ADGRL3: variants seen among roughly 807,000 people sequenced by gnomAD.
ADGRL3 encodes adhesion G protein-coupled receptor L3.
Under a neutral mutation model 153.5 loss-of-function variants are expected in ADGRL3, and 62 were observed. The observed-to-expected ratio is 0.40, with a 90% CI of 0.33 to 0.50. The LOEUF (loss-of-function observed/expected upper bound fraction) is 0.50, where lower values mean the gene tolerates loss of function less well. Ranked by LOEUF, ADGRL3 falls within the 20% of genes least tolerant of loss-of-function variation. ADGRL3 has a pLI of 0.47. For synonymous variants in ADGRL3, 710 were observed against 672.5 expected, an observed-to-expected ratio of 1.06 and a Z score of -0.86; for missense variants, 1,641 against 1,859.4, an observed-to-expected ratio of 0.88 and a Z score of 2.16.
At chr4:61,338,779 A>G (rs1396575803) in intron 1 of ADGRL3, among the ~76,000 whole-genome samples, 1 of 152,230 alleles carries the variant, frequency 6.6e-6, no homozygotes, top group East Asian at 1.9e-4. Flanking sequence ...TTCAAAAACT[A>G]TTGAATAAAT....
At chr4:61,530,586 G>T (rs1182098326) in intron 4 of ADGRL3, among the ~76,000 whole-genome samples, 2 of 152,046 alleles carry the variant, frequency 1.3e-5, no homozygotes, top group South Asian at 4.1e-4. Flanking sequence ...TTCTGAGGGG[G>T]TGGGATAATA....
intron 4 of ADGRL3, among the ~76,000 whole-genome samples, chr4:61,576,312 C>A (rs759979210): frequency 6.6e-6 from 1 of 151,796 alleles, no homozygotes; most frequent in East Asian, 1.9e-4. Flanking sequence ...CGATGTGGGG[C>A]TTTTCCTTGG....
chr4:61,671,121 T>G (rs1198139035), intron 5 of ADGRL3, among the ~76,000 whole-genome samples: 1 of 152,142 alleles, frequency 6.6e-6, no homozygotes, highest in East Asian at 1.9e-4. Flanking sequence ...TCAATTTTAC[T>G]GAAATTAGCA....
intron 1 of ADGRL3, among the ~76,000 whole-genome samples, chr4:61,324,757 A>T (rs2095432112): frequency 6.6e-6 from 1 of 152,170 alleles, no homozygotes; most frequent in South Asian, 2.1e-4. Context: ...TTTAGATTTA[A>T]GATTTTTAAC....
chr4:61,706,188 A>G (rs1330143500), intron 6 of ADGRL3, among the ~76,000 whole-genome samples: 1 of 151,966 alleles, frequency 6.6e-6, no homozygotes, highest in African/African-American at 2.4e-5. Context: ...TTGGGAGGTC[A>G]AGGTGGGTGG....
chr4:61,632,889 C>T (rs1388524995), intron 5 of ADGRL3, among the ~76,000 whole-genome samples: 1 of 152,052 alleles, frequency 6.6e-6, no homozygotes, highest in East Asian at 1.9e-4. Context: ...TTAAAAGGCT[C>T]ATTACTTATT....
At chr4:61,745,223 C>A (rs1315269537) in intron 8 of ADGRL3, among the ~76,000 whole-genome samples, 1 of 152,248 alleles carries the variant, frequency 6.6e-6, no homozygotes, top group Middle Eastern at 3.4e-3. Flanking sequence ...AAGACCAAAT[C>A]TACGTCTGAT....
intron 5 of ADGRL3, among the ~76,000 whole-genome samples, chr4:61,646,069 G>A (rs2093965523): frequency 1.3e-5 from 2 of 152,034 alleles, no homozygotes; most frequent in African/African-American, 2.4e-5. Context: ...TTCTCCAGTT[G>A]ATGGCATCGG....
At chr4:62,052,477 A>G (rs1734752030) in intron 25 of ADGRL3, among the ~76,000 whole-genome samples, 1 of 151,472 alleles carries the variant, frequency 6.6e-6, no homozygotes. Context: ...AAATGCTTGA[A>G]AAAACTGAAT....
At chr4:61,698,207 T>C (rs1561082131) in intron 6 of ADGRL3, among the ~76,000 whole-genome samples, 1 of 152,062 alleles carries the variant, frequency 6.6e-6, no homozygotes, top group East Asian at 1.9e-4. Flanking sequence ...ATCCTAGCAC[T>C]TTGGGAGGCC....
intron 9 of ADGRL3, among the ~76,000 whole-genome samples, chr4:61,834,874 C>A (rs1427960150): frequency 6.6e-6 from 1 of 152,100 alleles, no homozygotes; most frequent in Non-Finnish European, 1.5e-5. Context: ...AACCCAAAGT[C>A]AATCAGCGCA....
intron 1 of ADGRL3, among the ~76,000 whole-genome samples, chr4:61,293,520 T>G (rs1182587452): frequency 6.6e-6 from 1 of 152,200 alleles, no homozygotes; most frequent in African/African-American, 2.4e-5. Flanking sequence ...TCAGATTTCA[T>G]ACTTATGACT....
chr4:61,374,608 C>A (rs1174239455), intron 1 of ADGRL3, among the ~76,000 whole-genome samples: 1 of 151,958 alleles, frequency 6.6e-6, no homozygotes, highest in Non-Finnish European at 1.5e-5. Context: ...CGATGCACTA[C>A]AGGCAATGTG....
intron 2 of ADGRL3, among the ~76,000 whole-genome samples, chr4:61,483,756 T>A (rs1038567073): frequency 2.0e-5 from 3 of 151,514 alleles, no homozygotes; most frequent in African/African-American, 4.8e-5. Flanking sequence ...ATAAATAAAT[T>A]ATAAAATTTT....
At chr4:61,253,274 T>G (rs1276809986) in intron 1 of ADGRL3, among the ~76,000 whole-genome samples, 1 of 152,216 alleles carries the variant, frequency 6.6e-6, no homozygotes, top group Non-Finnish European at 1.5e-5. Context: ...TTTTCTTTTT[T>G]AAAAAATATA....
intron 6 of ADGRL3, among the ~76,000 whole-genome samples, chr4:61,680,711 A>G (rs1274236253): frequency 1.3e-5 from 2 of 152,050 alleles, no homozygotes; most frequent in African/African-American, 4.8e-5. Context: ...GTCAAATGGT[A>G]CGACTTTTAA....
chr4:61,956,500 G>T (rs2098967197), intron 17 of ADGRL3, among the ~76,000 whole-genome samples: 1 of 152,086 alleles, frequency 6.6e-6, no homozygotes, highest in South Asian at 2.1e-4. Context: ...TGTTCACACT[G>T]ATGATTGTTT....
intron 5 of ADGRL3, among the ~76,000 whole-genome samples, chr4:61,672,305 G>A (rs750793519): frequency 8.5e-4 from 129 of 152,130 alleles, no homozygotes; most frequent in Non-Finnish European, 1.6e-3. Flanking sequence ...TTATTGAAGA[G>A]TCAGTCCTTT....
chr4:61,977,921 T>C (rs1441151020), intron 17 of ADGRL3, among the ~76,000 whole-genome samples: 2 of 152,244 alleles, frequency 1.3e-5, no homozygotes, highest in African/African-American at 2.4e-5. Flanking sequence ...TAGTGCCCAA[T>C]AGGTTTTCTA....
Sources: gnomAD v4.1 joint callset for allele counts (sites outside exome capture counted in the v4.1 genomes callset) on GRCh38, gnomAD v4.1.1 for gene constraint, MANE v1.5 for transcripts, NCBI Gene and HGNC (gene_info 2026-07-23, HGNC 2026-07-21) for gene names.